Variants in TIAM1 observed in about 807,000 individuals in gnomAD.
TIAM1 encodes the protein TIAM Rac1 associated GEF 1.
A neutral mutation model predicts 163.5 loss-of-function variants in TIAM1; 65 were observed. The observed-to-expected ratio is 0.40, with a 90% CI of 0.33 to 0.49. The LOEUF (loss-of-function observed/expected upper bound fraction) is 0.49. Ranked by LOEUF, TIAM1 falls within the 20% of genes least tolerant of loss-of-function variation. TIAM1 has a pLI of 0.77. For synonymous variants in TIAM1, 833 were observed against 810.1 expected, an observed-to-expected ratio of 1.03 and a Z score of -0.48; for missense variants, 1,789 against 2,044.7, an observed-to-expected ratio of 0.87 and a Z score of 2.41.
chr21:31,446,333 G>A (rs2044624289), intron 2 of TIAM1, among the ~76,000 whole-genome samples: 1 of 152,142 alleles, frequency 6.6e-6, no homozygotes, highest in Non-Finnish European at 1.5e-5. Context: ...ACTTAAGATA[G>A]GTATGTAAGT....
intron 5 of TIAM1, among the ~76,000 whole-genome samples, chr21:31,246,049 C>T (rs562139375): frequency 1.2e-3 from 183 of 152,152 alleles, no homozygotes; most frequent in Middle Eastern, 6.8e-3. Flanking sequence ...CACTACCGTC[C>T]GATTGAAGCC....
chr21:31,517,015 C>T (rs1488253081), intron 1 of TIAM1, among the ~76,000 whole-genome samples: 1 of 145,396 alleles, frequency 6.9e-6, no homozygotes, highest in Non-Finnish European at 1.5e-5. Flanking sequence ...CGCCGGTGCA[C>T]TCCAGCCTTG....
At chr21:31,430,513 G>A (rs758623948) in intron 2 of TIAM1, among the ~76,000 whole-genome samples, 11 of 151,906 alleles carry the variant, frequency 7.2e-5, no homozygotes, top group Admixed American at 3.9e-4. Context: ...TTATACTTAT[G>A]TATTATGTAT....
At chr21:31,187,209 G>T in intron 13 of TIAM1, 122 bp from the exon 14 acceptor site, 1 of 844,568 alleles carries the variant, frequency 1.2e-6, no homozygotes, top group Non-Finnish European at 1.9e-6. Context: ...TGGACTGATT[G>T]TTTTTTCTTG....
intron 1 of TIAM1, among the ~76,000 whole-genome samples, chr21:31,489,528 G>A (rs556632148): frequency 8.2e-6 from 1 of 122,690 alleles, no homozygotes; most frequent in South Asian, 2.8e-4. Context: ...GGAAGGGAGG[G>A]AGGGAGGGAG....
chr21:31,481,632 C>T lies in TIAM1; in HGVS notation c.-421-17597G>A, dbSNP rs961330420. Among the ~76,000 whole-genome samples, 7 of 152,132 alleles carry T rather than the reference C, an allele frequency of 4.6e-5. No homozygotes were observed. In the East Asian group the frequency reaches 7.7e-4, roughly 17 times the overall value. On this transcript the variant is annotated intron_variant, in intron 1 of 28. Coordinates refer to the TIAM1 transcript ENST00000286827. ...ATGGCTGGCAGAACTCAGGAAAACA[C>T]CTGACTTACTACTACTGTTTTATGA...
intron 9 of TIAM1, among the ~76,000 whole-genome samples, chr21:31,216,728 C>T (rs941193603): frequency 1.3e-5 from 2 of 152,158 alleles, no homozygotes; most frequent in African/African-American, 2.4e-5. Context: ...ACCGAGATCC[C>T]GTTCCAGCCC....
At chr21:31,391,035 C>T (rs1235220847) in intron 2 of TIAM1, among the ~76,000 whole-genome samples, 1 of 152,098 alleles carries the variant, frequency 6.6e-6, no homozygotes, top group South Asian at 2.1e-4. Flanking sequence ...CACCCTGGAC[C>T]CAATGCCCAC....
At chr21:31,183,446 C>A (rs1167624965) in intron 14 of TIAM1, among the ~76,000 whole-genome samples, 1 of 152,110 alleles carries the variant, frequency 6.6e-6, no homozygotes, top group Non-Finnish European at 1.5e-5. Context: ...ATAAAATAAT[C>A]CTTTCAGCTA....
intron 2 of TIAM1, among the ~76,000 whole-genome samples, chr21:31,323,016 G>A (rs1038053390): frequency 1.1e-4 from 17 of 152,176 alleles, no homozygotes; most frequent in African/African-American, 3.9e-4. Flanking sequence ...GAGGCCGGGC[G>A]CAGTGGCTCA....
chr21:31,386,943 C>G (rs776683933), intron 2 of TIAM1, among the ~76,000 whole-genome samples: 3 of 152,168 alleles, frequency 2.0e-5, no homozygotes, highest in Non-Finnish European at 2.9e-5. Flanking sequence ...TTTTGACGTC[C>G]TGAGCTTTAT....
chr21:31,472,409 C>A (rs893146230), intron 1 of TIAM1, among the ~76,000 whole-genome samples: 2 of 152,120 alleles, frequency 1.3e-5, no homozygotes, highest in Non-Finnish European at 2.9e-5. Context: ...TGCCTGTAGT[C>A]CCAGCTACTC....
chr21:31,319,420 C>A (rs186861590), intron 2 of TIAM1, among the ~76,000 whole-genome samples: 1 of 152,222 alleles, frequency 6.6e-6, no homozygotes, highest in Non-Finnish European at 1.5e-5. Context: ...TTCCCACCAA[C>A]AATGCACAAG....
intron 12 of TIAM1, among the ~76,000 whole-genome samples, chr21:31,198,183 C>T (rs371876017): frequency 1.3e-5 from 2 of 152,196 alleles, no homozygotes; most frequent in East Asian, 3.8e-4. Flanking sequence ...ACCACACAGC[C>T]ATTCGTCCAG....
intron 13 of TIAM1, among the ~76,000 whole-genome samples, chr21:31,190,080 C>G (rs2085481178): frequency 6.6e-6 from 1 of 152,052 alleles, no homozygotes; most frequent in African/African-American, 2.4e-5. Flanking sequence ...GAATAATGAT[C>G]AGGAGAACGA....
intron 5 of TIAM1, among the ~76,000 whole-genome samples, chr21:31,251,023 TTGAATCCTA>T (rs2071773645): frequency 6.6e-6 from 1 of 152,196 alleles, no homozygotes; most frequent in South Asian, 2.1e-4. Context: ...TAATATCAGG[TTGAATCCTA>T]TGAAATTAAC....
chr21:31,140,310 T>G (rs1601244395), intron 22 of TIAM1, among the ~76,000 whole-genome samples: 1 of 152,284 alleles, frequency 6.6e-6, no homozygotes, highest in African/African-American at 2.4e-5. Flanking sequence ...CTTCCCACAT[T>G]TTCTCTTTTT....
Position 31,438,308 on chromosome 21 carries a change from C to T in TIAM1, c.-369+25675G>A, listed in dbSNP as rs532111814. ...CCAGGTTCAAGTGATTCTCCTGTCTCAGCCTCCCAAGTAGCTGGGATTACA... is the reference window on the plus strand; with the variant it reads ...CCAGGTTCAAGTGATTCTCCTGTCTTAGCCTCCCAAGTAGCTGGGATTACA... On this transcript the variant is annotated intron_variant, in intron 2 of 28. Coordinates refer to the TIAM1 transcript ENST00000286827. Among the ~76,000 whole-genome samples, 10 of 148,366 alleles carry T rather than the reference C, an allele frequency of 6.7e-5. No homozygotes were observed. The East Asian group carries it at 2.0e-3, about 30-fold the overall frequency.
chr21:31,419,620 T>C (rs1220162426), intron 2 of TIAM1, among the ~76,000 whole-genome samples: 1 of 152,226 alleles, frequency 6.6e-6, no homozygotes, highest in East Asian at 1.9e-4. Flanking sequence ...CCAGTAAATC[T>C]GTGTTTAAAA....
Sources: gnomAD v4.1 joint callset for allele counts (sites outside exome capture counted in the v4.1 genomes callset) on GRCh38, gnomAD v4.1.1 for gene constraint, MANE v1.5 for transcripts, NCBI Gene and HGNC (gene_info 2026-07-23, HGNC 2026-07-21) for gene names.